The following TCF7 variants were observed in gnomAD, a reference collection of about 807,000 sequenced individuals.
TCF7 encodes the protein T-cell-factor-7.
A neutral mutation model predicts 46.8 loss-of-function variants in TCF7; 19 were observed. The ratio of observed to expected loss-of-function variants is 0.41; its 90% CI spans 0.28 to 0.60. The LOEUF is 0.60. TCF7 is among the 20% of genes least tolerant of loss of function. The pLI is 0.35. For synonymous variants in TCF7, 245 were observed against 213.4 expected, an observed-to-expected ratio of 1.15 and a Z score of -1.29; for missense variants, 547 against 504.6, an observed-to-expected ratio of 1.08 and a Z score of -0.81.
At chr5:134,131,410 A>G (rs1206860405) in intron 3 of TCF7, among the ~76,000 whole-genome samples, 1 of 152,202 alleles carries the variant, frequency 6.6e-6, no homozygotes, top group Non-Finnish European at 1.5e-5. Flanking sequence ...AACCATAGCA[A>G]TAGCCCACCT....
At position 134,116,011 on chromosome 5, in the gene TCF7, A is replaced by AC. The variant is rs1561646990; in HGVS notation, c.424dup (p.Gln142ProfsTer50). The AC allele has an allele frequency of 6.2e-7, 1 of 1,610,694 alleles. No homozygotes were observed. Among genetic ancestry groups the AC allele is most frequent in the Admixed American group, 1.7e-5 (1 of 59,762 alleles). The stretch of plus-strand genomic sequence containing the variant: ...CCACCCCCCTCGGGAGCAGGGCAGC[A>AC]CCCCCAGCCGCAGCCCCCGCTGGTA... On this transcript the variant is annotated frameshift_variant, in exon 3 of 10. Transcript: ENST00000342854. LOFTEE classifies it high-confidence loss of function.
chr5:134,147,901 G>C lies in TCF7; in HGVS notation c.*1598G>C, dbSNP rs570441430. The C allele has an allele frequency of 2.0e-5, 3 of 150,814 alleles. No individual in the cohort carries two copies. Among genetic ancestry groups the C allele is most frequent in the Non-Finnish European group, 2.9e-5 (2 of 67,820 alleles). The allele number at this position is 150,814 out of a possible 1,614,324, so 9.3% of individuals were successfully genotyped here. A position where few individuals can be genotyped will look rare whatever the true frequency, so the allele number is the denominator to read the frequency against. ...TGAGGCGGAAGAATCACTTGAACCCGGGAGGCGGAGGTTCCAGTGAGCCGA... is the reference window on the plus strand; with the variant it reads ...TGAGGCGGAAGAATCACTTGAACCCCGGAGGCGGAGGTTCCAGTGAGCCGA... On this transcript the variant is annotated 3_prime_UTR_variant, in exon 10 of 10. Transcript: ENST00000342854.
chr5:134,125,627 G>C (rs1757244138), intron 3 of TCF7, among the ~76,000 whole-genome samples: 1 of 152,256 alleles, frequency 6.6e-6, no homozygotes, highest in South Asian at 2.1e-4. Context: ...GTCATGCCTG[G>C]AATGCTGGTA....
intron 5 of TCF7, 199 bp downstream of exon 5, chr5:134,139,237 G>C: frequency 1.3e-6 from 1 of 761,022 alleles, no homozygotes; most frequent in South Asian, 2.0e-5. Context: ...GCATTCCCCA[G>C]GGAGCCTGAC....
intron 3 of TCF7, among the ~76,000 whole-genome samples, chr5:134,133,948 C>G (rs1471075240): frequency 1.3e-5 from 2 of 152,188 alleles, no homozygotes; most frequent in East Asian, 3.9e-4. Flanking sequence ...TTTCCTAGGC[C>G]CAGCCTGAGC....
chr5:134,141,637 CG>C, intron 5 of TCF7: 1 of 152,548 alleles, frequency 6.6e-6, no homozygotes, highest in Non-Finnish European at 1.5e-5. Flanking sequence ...CTGGGGCTGC[CG>C]GGGAACGGAG....
chr5:134,115,332 G>T lies in TCF7; in HGVS notation c.261G>T (p.Arg87=). ...GGTTCTCCCTCCAGGCTCTCGGGCG[G>T]GAACACGCTGCGCAGAGACTCTTCC... ...GARGEAEALG[R]EHAAQRLFPD... The change falls in exon 2 of 10, where the codon CGG becomes CGT. Residue 87 remains arginine (R), a synonymous_variant. Transcript: ENST00000342854. 1 of 1,592,336 alleles carries T rather than the reference G, an allele frequency of 6.3e-7. No homozygotes were observed. Among genetic ancestry groups the T allele is most frequent in the East Asian group, 2.3e-5 (1 of 43,532 alleles).
chr5:134,126,153 G>T (rs1057478794), intron 3 of TCF7, among the ~76,000 whole-genome samples: 2 of 152,256 alleles, frequency 1.3e-5, no homozygotes, highest in African/African-American at 4.8e-5. Context: ...ATGCTGAGAG[G>T]CAGCCTGTGG....
intron 8 of TCF7, 46 bp from the exon 9 acceptor site, chr5:134,143,546 A>ATGTC: frequency 6.2e-7 from 1 of 1,613,228 alleles, no homozygotes; most frequent in East Asian, 2.2e-5. Flanking sequence ...GGGTATCCCA[A>ATGTC]TGTCTGCCTC....
Position 134,114,739 on chromosome 5 carries a change from C to A in TCF7, c.-168C>A, listed in dbSNP as rs1048267233. On this transcript the variant is annotated 5_prime_UTR_variant, in exon 1 of 10. Transcript: ENST00000342854. ...GCCAGCTCGCGGAGCCGCTCTGCCCCGCGCCCTAGCCCGCGCCTGCAGCCC... is the reference window on the plus strand; with the variant it reads ...GCCAGCTCGCGGAGCCGCTCTGCCCAGCGCCCTAGCCCGCGCCTGCAGCCC... 8 of 629,084 alleles carry A rather than the reference C, an allele frequency of 1.3e-5. No homozygotes were observed. The highest frequency in any genetic ancestry group is 1.4e-4 in the East Asian group (1 of 7,018). The allele number at this position is 629,084 out of a possible 1,614,324, so 39.0% of individuals were successfully genotyped here. A position where few individuals can be genotyped will look rare whatever the true frequency, so the allele number is the denominator to read the frequency against.
intron 3 of TCF7, among the ~76,000 whole-genome samples, chr5:134,130,478 G>A (rs1281516997): frequency 6.6e-6 from 1 of 152,246 alleles, no homozygotes; most frequent in Non-Finnish European, 1.5e-5. Context: ...GCTGAGACCA[G>A]CCTGCACTGT....
chr5:134,114,154 G>T (rs1413869629), upstream of TCF7, among the ~76,000 whole-genome samples: 1 of 152,204 alleles, frequency 6.6e-6, no homozygotes, highest in East Asian at 1.9e-4. Context: ...GTATGCAGGC[G>T]GCCTAGAAGG....
At chr5:134,132,309 A>G (rs17653687) in intron 3 of TCF7, among the ~76,000 whole-genome samples, 19,524 of 152,322 alleles carry the variant, frequency 0.13, 1,496 homozygotes, top group South Asian at 0.24. Context: ...CTCCGCTCAC[A>G]TTAGCACATG....
Position 134,133,601 on chromosome 5 carries a change from C to T in TCF7, c.442-4458C>T, listed in dbSNP as rs531211822. ...CTGTGCTAGACGGTTTCCCCTGGCT[C>T]CTACCACCGGGCGCAAAGCGGGCTG... On this transcript the variant is annotated intron_variant, in intron 3 of 9. Transcript: ENST00000342854. 7.9e-5 allele frequency among the ~76,000 whole-genome samples: 12 copies of T among 152,168 alleles called. 1 individual carries two copies. Among genetic ancestry groups the T allele is most frequent in the Admixed American group, 3.3e-4 (5 of 15,290 alleles).
At chr5:134,124,045 T>A (rs1444633450) in intron 3 of TCF7, among the ~76,000 whole-genome samples, 1 of 152,068 alleles carries the variant, frequency 6.6e-6, no homozygotes, top group East Asian at 1.9e-4. Flanking sequence ...CCCTGATTAC[T>A]GAGGGGAACT....
In TCF7 at chr5:134,115,402, G is replaced by A. The variant is rs748066862; in HGVS notation, c.316+15G>A. ...CCTGGAGGACGGTGAGTTTCTGCCCGGCCCGGCTTCCCTTCGTCGCGCTCA... is the reference window on the plus strand; with the variant it reads ...CCTGGAGGACGGTGAGTTTCTGCCCAGCCCGGCTTCCCTTCGTCGCGCTCA... On this transcript the variant is annotated intron_variant, in intron 2 of 9. Transcript: ENST00000342854. 15 of 1,591,580 alleles carry A rather than the reference G, an allele frequency of 9.4e-6. No individual in the cohort carries two copies. The Admixed American group carries it at 2.2e-4, about 24-fold the overall frequency.
intron 3 of TCF7, among the ~76,000 whole-genome samples, chr5:134,127,954 T>C (rs1166375336): frequency 3.3e-5 from 5 of 152,256 alleles, no homozygotes; most frequent in African/African-American, 9.6e-5. Context: ...AAACCACAAA[T>C]ATTAGTTCAT....
chr5:134,137,180 C>T (rs140932456), intron 3 of TCF7, among the ~76,000 whole-genome samples: 7,161 of 152,188 alleles, frequency 0.047, 488 homozygotes, highest in African/African-American at 0.15. Context: ...TCCCAGCACT[C>T]TGGGAGGCCG....
intron 3 of TCF7, among the ~76,000 whole-genome samples, chr5:134,129,401 G>A (rs1352369035): frequency 6.6e-6 from 1 of 152,206 alleles, no homozygotes; most frequent in Non-Finnish European, 1.5e-5. Context: ...GAGCTATGAG[G>A]TTGTGCCTTG....
Sources: gnomAD v4.1 joint callset for allele counts (sites outside exome capture counted in the v4.1 genomes callset) on GRCh38, gnomAD v4.1.1 for gene constraint, MANE v1.5 for transcripts, NCBI Gene and HGNC (gene_info 2026-07-23, HGNC 2026-07-21) for gene names.